Variants in ANO3 observed in about 807,000 individuals in gnomAD.
The protein encoded by ANO3 is anoctamin-3.
Under a neutral mutation model 144.8 loss-of-function variants are expected in ANO3, and 99 were observed. The ratio of observed to expected loss-of-function variants is 0.68; its 90% CI spans 0.58 to 0.81. The LOEUF (loss-of-function observed/expected upper bound fraction) is 0.81. Ranked by LOEUF, ANO3 falls within the 30% of genes least tolerant of loss-of-function variation. ANO3 has a pLI of 0.00. For synonymous variants in ANO3, 414 were observed against 392.6 expected (o/e 1.05, Z -0.64); for missense variants, 905 against 1,202.2 (o/e 0.75, Z 3.66).
chr11:26,291,717 A>G (rs1445419909), intron 1 of ANO3, among the ~76,000 whole-genome samples: 5 of 152,164 alleles, frequency 3.3e-5, no homozygotes, highest in African/African-American at 1.2e-4. Flanking sequence ...TCTTTTCTTT[A>G]AGAATGTTGA....
At chr11:26,318,583 T>C (rs927697011) in intron 1 of ANO3, among the ~76,000 whole-genome samples, 9 of 152,208 alleles carry the variant, frequency 5.9e-5, no homozygotes, top group Non-Finnish European at 7.4e-5. Context: ...CGTGGTTCTA[T>C]ATAATTAAGT....
rs1012405892 is a variant in ANO3 at position 26,400,733 on chromosome 11, T to G, written c.47-41185T>G. ...ATACATATACATATATATATGTATA[T>G]ATTAAACAATTAAAGAAAATGGGAT... On this transcript the variant is annotated intron_variant, in intron 1 of 26. Coordinates refer to ENST00000256737, the MANE Select transcript of ANO3 (RefSeq NM_031418.4). Among the ~76,000 whole-genome samples the G allele has an allele frequency of 1.5e-4, 22 of 151,680 alleles. 1 individual carries two copies. The highest frequency in any genetic ancestry group is 2.5e-4 in the Non-Finnish European group (17 of 67,896).
chr11:26,300,237 C>T (rs1383760946), intron 1 of ANO3, among the ~76,000 whole-genome samples: 4 of 151,940 alleles, frequency 2.6e-5, no homozygotes, highest in Admixed American at 6.6e-5. Context: ...CACAGACACA[C>T]GCATACACAG....
chr11:26,203,916 G>A (rs1423900905), intron 1 of ANO3, among the ~76,000 whole-genome samples: 2 of 152,074 alleles, frequency 1.3e-5, no homozygotes, highest in African/African-American at 4.8e-5. Context: ...ATGTGACCTG[G>A]TTATTCACCA....
chr11:26,314,881 C>T lies in ANO3; in HGVS notation c.-3+5162C>T, dbSNP rs74749466. On this transcript the variant is annotated intron_variant, in intron 1 of 26. Coordinates refer to the ANO3 transcript ENST00000525139. The stretch of plus-strand genomic sequence containing the variant: ...GATATAAAGACTTTATCTGGGTAAT[C>T]TAATCAACCTCCCAAACTGAGAAGC... Among the ~76,000 whole-genome samples the T allele has an allele frequency of 6.5e-3, 990 of 152,232 alleles. 34 individuals carry two copies. The highest frequency in any genetic ancestry group is 0.046 in the Admixed American group (696 of 15,284).
chr11:26,646,114 A>G (rs1853336915), intron 23 of ANO3, among the ~76,000 whole-genome samples: 1 of 152,128 alleles, frequency 6.6e-6, no homozygotes, highest in Non-Finnish European at 1.5e-5. Context: ...ATCCTTTGCC[A>G]TTGTTTTTCT....
intron 1 of ANO3, 124 bp downstream of exon 1, chr11:26,332,445 A>T (rs974736038): frequency 3.1e-5 from 8 of 256,154 alleles, no homozygotes; most frequent in Non-Finnish European, 3.9e-5. Flanking sequence ...CTGTGAAGTT[A>T]AAAAAAAAAA....
At chr11:26,309,821 C>A in intron 1 of ANO3, 1 of 447,066 alleles carries the variant, frequency 2.2e-6, no homozygotes, top group South Asian at 9.4e-5. Flanking sequence ...GAAAATTTAA[C>A]GCAAATTTAG....
At chr11:26,304,312 A>C (rs907794495) in intron 1 of ANO3, among the ~76,000 whole-genome samples, 1 of 152,182 alleles carries the variant, frequency 6.6e-6, no homozygotes, top group Admixed American at 6.6e-5. Context: ...TGTCCTCTAC[A>C]TAATGCTTTA....
intron 1 of ANO3, chr11:26,309,802 AG>A (rs71447461): frequency 8.9e-6 from 4 of 447,092 alleles, no homozygotes; most frequent in Non-Finnish European, 1.1e-5. Flanking sequence ...GAGTCTTTAC[AG>A]GGGGGGTGAA....
intron 17 of ANO3, among the ~76,000 whole-genome samples, chr11:26,615,605 G>A (rs1448031687): frequency 6.6e-6 from 1 of 151,938 alleles, no homozygotes; most frequent in African/African-American, 2.4e-5. Flanking sequence ...GACTAAATGA[G>A]TAACCTCTCT....
chr11:26,495,330 G>C (rs1442789560), intron 4 of ANO3, among the ~76,000 whole-genome samples: 1 of 144,380 alleles, frequency 6.9e-6, no homozygotes, highest in Non-Finnish European at 1.5e-5. Flanking sequence ...GGCTTGTCTC[G>C]AACTCCTGGG....
At chr11:26,399,381 T>C (rs998738866) in intron 1 of ANO3, among the ~76,000 whole-genome samples, 1 of 151,976 alleles carries the variant, frequency 6.6e-6, no homozygotes, top group Admixed American at 6.6e-5. Context: ...GAGGCTTCAG[T>C]TGCCTTTCAA....
At chr11:26,655,855 A>G (rs1853670222) in intron 24 of ANO3, among the ~76,000 whole-genome samples, 1 of 152,196 alleles carries the variant, frequency 6.6e-6, no homozygotes, top group Non-Finnish European at 1.5e-5. Flanking sequence ...TAATTAGCAA[A>G]ATATCTAGTG....
intron 14 of ANO3, among the ~76,000 whole-genome samples, chr11:26,582,551 GT>G: frequency 6.6e-6 from 1 of 152,008 alleles, no homozygotes; most frequent in Non-Finnish European, 1.5e-5. Flanking sequence ...TTCAGTTTTT[GT>G]TTTTTCCTTT....
At chr11:26,531,824 T>G (rs1849379238) in intron 8 of ANO3, among the ~76,000 whole-genome samples, 1 of 152,212 alleles carries the variant, frequency 6.6e-6, no homozygotes, top group Admixed American at 6.5e-5. Flanking sequence ...CATTACTGTC[T>G]CCATCTACCT....
At chr11:26,557,362 GA>G (rs1434927829) in intron 13 of ANO3, among the ~76,000 whole-genome samples, 1 of 151,476 alleles carries the variant, frequency 6.6e-6, no homozygotes, top group African/African-American at 2.4e-5. Context: ...TCGGGAGGCT[GA>G]GGCAGGAGAA....
chr11:26,340,951 G>A (rs1727837109), intron 1 of ANO3, among the ~76,000 whole-genome samples: 1 of 152,052 alleles, frequency 6.6e-6, no homozygotes, highest in South Asian at 2.1e-4. Context: ...TTTAGACTTT[G>A]TTTTCAGTTG....
At chr11:26,575,980 A>G (rs867989629) in intron 14 of ANO3, among the ~76,000 whole-genome samples, 21 of 152,220 alleles carry the variant, frequency 1.4e-4, no homozygotes, top group Admixed American at 5.2e-4. Flanking sequence ...TCAGAATGAT[A>G]CTTTTGCTGA....
Sources: allele counts gnomAD v4.1 joint callset (sites outside exome capture counted in the v4.1 genomes callset), GRCh38; gene constraint gnomAD v4.1.1; transcripts MANE v1.5; gene names NCBI Gene and HGNC (gene_info 2026-07-23, HGNC 2026-07-21).